The following DLG2 variants were observed in gnomAD, a reference collection of about 807,000 sequenced individuals.
The protein encoded by DLG2 is discs large MAGUK scaffold protein 2.
Under a neutral mutation model 132.5 loss-of-function variants are expected in DLG2, and 45 were observed. That is an observed-to-expected ratio of 0.34 (90% CI 0.27 to 0.44). The LOEUF (loss-of-function observed/expected upper bound fraction) is 0.44. DLG2 is among the 20% of genes least tolerant of loss of function. The pLI, the probability that DLG2 is intolerant of heterozygous loss-of-function variation, is 1.00. For missense variants in DLG2, 1,045 were observed against 1,196.9 expected, an observed-to-expected ratio of 0.87 and a Z score of 1.87; for synonymous variants, 424 against 419.6, an observed-to-expected ratio of 1.01 and a Z score of -0.13.
intron 15 of DLG2, among the ~76,000 whole-genome samples, chr11:83,918,084 G>C (rs979834624): frequency 6.6e-6 from 1 of 152,142 alleles, no homozygotes; most frequent in African/African-American, 2.4e-5. Flanking sequence ...CAAAGAGCTT[G>C]GATCTTGAAC....
At chr11:84,975,857 C>T (rs186799510) in intron 6 of DLG2, among the ~76,000 whole-genome samples, 132 of 152,244 alleles carry the variant, frequency 8.7e-4, no homozygotes, top group African/African-American at 3.0e-3. Context: ...CGTTGTTTTC[C>T]GCCAGTCTTC....
At chr11:83,980,100 C>T (rs1565893899) in intron 12 of DLG2, among the ~76,000 whole-genome samples, 1 of 152,122 alleles carries the variant, frequency 6.6e-6, no homozygotes, top group South Asian at 2.1e-4. Flanking sequence ...GCCCTAACCT[C>T]CCTGTGACTG....
At chr11:84,608,140 C>A (rs1380184363) in intron 6 of DLG2, among the ~76,000 whole-genome samples, 1 of 152,130 alleles carries the variant, frequency 6.6e-6, no homozygotes, top group African/African-American at 2.4e-5. Flanking sequence ...AAAGGCAGCA[C>A]CAGGATCCAA....
At chr11:85,270,963 T>G (rs573412478) in intron 4 of DLG2, among the ~76,000 whole-genome samples, 2 of 152,294 alleles carry the variant, frequency 1.3e-5, no homozygotes, top group Admixed American at 6.5e-5. Flanking sequence ...AACCCCATTT[T>G]CTGAGGAGAA....
chr11:83,792,198 T>C (rs1056191918), intron 17 of DLG2, among the ~76,000 whole-genome samples: 2 of 152,208 alleles, frequency 1.3e-5, no homozygotes, highest in Non-Finnish European at 1.5e-5. Flanking sequence ...TGAACACTTA[T>C]AAAAGTGTTT....
intron 11 of DLG2, among the ~76,000 whole-genome samples, chr11:84,032,456 T>C (rs186003765): frequency 2.6e-5 from 4 of 152,256 alleles, no homozygotes; most frequent in Admixed American, 6.5e-5. Flanking sequence ...CTCTTCAAGT[T>C]TGTGAAGGCT....
chr11:85,373,871 C>G (rs1034367760), intron 3 of DLG2, among the ~76,000 whole-genome samples: 1 of 151,828 alleles, frequency 6.6e-6, no homozygotes, highest in Non-Finnish European at 1.5e-5. Context: ...GATCTGGCCC[C>G]TTTGCCTCAA....
intron 7 of DLG2, among the ~76,000 whole-genome samples, chr11:84,301,843 A>C (rs1379376861): frequency 6.6e-6 from 1 of 152,094 alleles, no homozygotes; most frequent in East Asian, 1.9e-4. Context: ...CAATCCCATT[A>C]CTGGGTATAT....
chr11:84,967,495 CA>C (rs2053510340), intron 6 of DLG2, among the ~76,000 whole-genome samples: 1 of 152,000 alleles, frequency 6.6e-6, no homozygotes, highest in African/African-American at 2.4e-5. Flanking sequence ...TCTCTTATAC[CA>C]AGAGAAATGT....
At chr11:85,178,685 T>G (rs1056176079) in intron 4 of DLG2, among the ~76,000 whole-genome samples, 1 of 151,490 alleles carries the variant, frequency 6.6e-6, no homozygotes, top group Admixed American at 6.6e-5. Context: ...AAGACAGATA[T>G]AACAAAGAGC....
intron 7 of DLG2, among the ~76,000 whole-genome samples, chr11:84,422,945 T>A (rs1392671212): frequency 6.6e-6 from 1 of 152,184 alleles, no homozygotes; most frequent in Non-Finnish European, 1.5e-5. Context: ...TCACTTCTCC[T>A]GCTTTCTTGT....
chr11:84,021,203 G>T lies in DLG2; in HGVS notation c.919+38112C>A, dbSNP rs565126219. On this transcript the variant is annotated intron_variant, in intron 11 of 27. Coordinates refer to ENST00000376104, the MANE Select transcript of DLG2 (RefSeq NM_001142699.3). ...AACCAGAAAGCCACACTTTAACATT[G>T]GTATTACTGTTATTCTCATCTTACA... Among the ~76,000 whole-genome samples the T allele has an allele frequency of 1.9e-3, 290 of 152,040 alleles. 1 individual carries two copies. The highest frequency in any genetic ancestry group is 6.5e-3 in the African/African-American group (271 of 41,452).
chr11:84,584,422 A>G (rs996517805), intron 6 of DLG2, among the ~76,000 whole-genome samples: 10 of 151,884 alleles, frequency 6.6e-5, no homozygotes, highest in African/African-American at 1.9e-4. Flanking sequence ...TCATAGCTCA[A>G]TATAATCTCA....
At chr11:85,422,399 C>T (rs183695575) in intron 3 of DLG2, among the ~76,000 whole-genome samples, 135 of 152,156 alleles carry the variant, frequency 8.9e-4, no homozygotes, top group African/African-American at 3.1e-3. Context: ...TTCCCTTTGT[C>T]TTTGTTGGGT....
At chr11:84,341,526 T>A (rs1451304493) in intron 7 of DLG2, among the ~76,000 whole-genome samples, 2 of 152,164 alleles carry the variant, frequency 1.3e-5, no homozygotes. Flanking sequence ...TCCCCAGAGA[T>A]TATGATTTAA....
At chr11:84,465,797 T>C (rs1007554153) in intron 7 of DLG2, among the ~76,000 whole-genome samples, 9 of 151,234 alleles carry the variant, frequency 6.0e-5, no homozygotes, top group Admixed American at 5.3e-4. Flanking sequence ...TTGACTGAGA[T>C]AAATATTTTG....
intron 19 of DLG2, among the ~76,000 whole-genome samples, chr11:83,589,230 C>A (rs1164577748): frequency 6.6e-6 from 1 of 151,732 alleles, no homozygotes; most frequent in Non-Finnish European, 1.5e-5. Flanking sequence ...ATGTTAAGGG[C>A]AGCCAGAGAG....
intron 21 of DLG2, among the ~76,000 whole-genome samples, 197 bp downstream of exon 21, chr11:83,532,511 C>T (rs774043725): frequency 2.0e-5 from 3 of 152,164 alleles, no homozygotes; most frequent in Non-Finnish European, 4.4e-5. Flanking sequence ...TGCAGCTTTA[C>T]TCCCAGTGTT....
chr11:83,935,599 C>T (rs1338620864), intron 14 of DLG2, among the ~76,000 whole-genome samples: 1 of 152,042 alleles, frequency 6.6e-6, no homozygotes, highest in Non-Finnish European at 1.5e-5. Flanking sequence ...CTATTCGCTC[C>T]CCTAATTCCA....
Sources: allele counts gnomAD v4.1 joint callset (sites outside exome capture counted in the v4.1 genomes callset), GRCh38; gene constraint gnomAD v4.1.1; transcripts MANE v1.5; gene names NCBI Gene and HGNC (gene_info 2026-07-23, HGNC 2026-07-21).